Variants in SDR42E1 observed in about 807,000 individuals in gnomAD.
SDR42E1 encodes short-chain dehydrogenase/reductase family 42E member 1.
Under a neutral mutation model 2.6 loss-of-function variants are expected in SDR42E1, and 5 were observed. That is an observed-to-expected ratio of 1.94 (90% CI 1.01 to 4.08). The LOEUF (loss-of-function observed/expected upper bound fraction) is 4.08. SDR42E1 is among the 30% of genes most tolerant of loss of function. The pLI is 0.00. For synonymous variants in SDR42E1, 231 were observed against 188.3 expected (o/e 1.23, Z -1.86); for missense variants, 596 against 478.6 (o/e 1.25, Z -2.29).
rs1045212542 is a variant in SDR42E1 at position 81,999,770 on chromosome 16, C to T, written c.523G>A (p.Asp175Asn). ...AGAGCGCAGGTTCTTAAGACACCGTCGCCTCTGTCCAGGGGTGTAGCATTC... is the reference window on the plus strand; with the variant it reads ...AGAGCGCAGGTTCTTAAGACACCGTTGCCTCTGTCCAGGGGTGTAGCATTC... ...EANATPLDRG[D>N]GVLRTCALRP... The change falls in exon 3 of 3, where the codon GAC becomes AAC. Residue 175 changes from aspartate to asparagine, a missense_variant. Physicochemically the swap from Asp to Asn is conservative, Grantham distance 23 (BLOSUM62 1). Coordinates refer to ENST00000328945, the MANE Select transcript of SDR42E1 (RefSeq NM_145168.3). The T allele has an allele frequency of 4.3e-6, 7 of 1,614,200 alleles. No homozygotes were observed. The highest frequency in any genetic ancestry group is 2.7e-5 in the African/African-American group (2 of 75,052).
Position 81,994,978 on chromosome 16 carries a change from C to G in SDR42E1, c.*4133G>C, listed in dbSNP as rs1424000458. The G allele has an allele frequency of 6.6e-6, 1 of 152,208 alleles. No homozygotes were observed. Among genetic ancestry groups the G allele is most frequent in the Non-Finnish European group, 1.5e-5 (1 of 68,056 alleles). 9.4% of individuals were successfully genotyped at this position (152,208 alleles called of 1,614,324 possible). A position where few individuals can be genotyped will look rare whatever the true frequency, so the allele number is the denominator to read the frequency against. ...AATGAGTTATTTGACCCTCCACTAACTGTTACTGCTTGTAATGTGGCACTG... is the reference window on the plus strand; with the variant it reads ...AATGAGTTATTTGACCCTCCACTAAGTGTTACTGCTTGTAATGTGGCACTG... On this transcript the variant is annotated 3_prime_UTR_variant, in exon 3 of 3. Transcript: ENST00000328945.
chr16:81,999,599 G>C lies in SDR42E1; in HGVS notation c.694C>G (p.His232Asp), dbSNP rs1912668476. 6.2e-7 allele frequency: 1 copy of C among 1,614,134 alleles called. No individual in the cohort carries two copies. The highest frequency in any genetic ancestry group is 1.3e-5 in the African/African-American group (1 of 75,024). ...FVHVDNLVQA[H>D]ILASEALRAD... ...CTCAGGGCTTCTGAGGCCAGAATGT[G>C]AGCCTGCACCAAGTTATCCACGTGG... Residue 232 changes from histidine (H) to aspartate (D), a missense_variant, in exon 3 of 3, where the codon CAC becomes GAC. By Grantham distance (81) the His-to-Asp change is moderately conservative. Coordinates refer to ENST00000328945, the MANE Select transcript of SDR42E1 (RefSeq NM_145168.3).
In SDR42E1 at chr16:81,999,024, A is replaced by T. The variant is rs1912629302; in HGVS notation, c.*87T>A. 2 of 1,393,302 alleles carry T rather than the reference A, an allele frequency of 1.4e-6. No homozygotes were observed. The highest frequency in any genetic ancestry group is 4.6e-5 in the East Asian group (2 of 43,292). The allele number at this position is 1,393,302 out of a possible 1,614,324, so 86.3% of individuals were successfully genotyped here. A position where few individuals can be genotyped will look rare whatever the true frequency, so the allele number is the denominator to read the frequency against. On this transcript the variant is annotated 3_prime_UTR_variant, in exon 3 of 3. Coordinates refer to ENST00000328945, the MANE Select transcript of SDR42E1 (RefSeq NM_145168.3). ...GCAATTTGAAGAGCCAATGTTTGGC[A>T]CCAGATATCACTGTACACATTTTAA...
At position 81,997,557 on chromosome 16, in the gene SDR42E1, T is replaced by C. The variant is rs1269423422; in HGVS notation, c.*1554A>G. The C allele has an allele frequency of 1.3e-5, 2 of 152,230 alleles. No homozygotes were observed. The highest frequency in any genetic ancestry group is 2.9e-5 in the Non-Finnish European group (2 of 68,046). The allele number at this position is 152,230 out of a possible 1,614,324, so 9.4% of individuals were successfully genotyped here. The stretch of plus-strand genomic sequence containing the variant: ...TAGAACAATACATGGCAGGTGCTCA[T>C]ATGCGTTAACCCCAGGCTAATGCAA... On this transcript the variant is annotated 3_prime_UTR_variant, in exon 3 of 3. Transcript: ENST00000328945.
intron 1 of SDR42E1, among the ~76,000 whole-genome samples, chr16:82,002,268 A>G (rs1386728466): frequency 1.3e-5 from 2 of 152,104 alleles, no homozygotes; most frequent in Non-Finnish European, 2.9e-5. Context: ...AATATGGGGG[A>G]CAGGAATACA....
In SDR42E1 at chr16:82,000,138, T is replaced by C. The variant is rs778548286; in HGVS notation, c.155A>G (p.Lys52Arg). The C allele has an allele frequency of 5.0e-6, 8 of 1,614,200 alleles. No individual in the cohort carries two copies. The highest frequency in any genetic ancestry group is 6.8e-6 in the Non-Finnish European group (8 of 1,180,032). Reference protein sequence around the residue: ...SPAQTIPEGIKFIQGDIRHLS... With the variant: ...SPAQTIPEGIRFIQGDIRHLS... ...GTGGCGGATGTCTCCTTGTATAAACTTGATTCCTTCTGGAATGGTTTGAGC... is the reference window on the plus strand; with the variant it reads ...GTGGCGGATGTCTCCTTGTATAAACCTGATTCCTTCTGGAATGGTTTGAGC... The change falls in exon 3 of 3, where the codon AAG (lysine) becomes AGG (arginine). Residue 52 changes from lysine to arginine, a missense_variant. Lys to Arg is a conservative substitution (Grantham distance 26, BLOSUM62 2). Transcript: ENST00000328945.
At chr16:82,011,229 A>C (rs527483405) in intron 1 of SDR42E1, among the ~76,000 whole-genome samples, 158 bp downstream of exon 1, 63 of 152,308 alleles carry the variant, frequency 4.1e-4, no homozygotes, top group African/African-American at 1.5e-3. Flanking sequence ...GGGATCAGGA[A>C]GACATCTGAA....
At chr16:82,010,333 G>A (rs1030151158) in intron 1 of SDR42E1, among the ~76,000 whole-genome samples, 1 of 152,216 alleles carries the variant, frequency 6.6e-6, no homozygotes, top group Non-Finnish European at 1.5e-5. Context: ...GGGTTGGGCA[G>A]GGTTCAGGAC....
At chr16:82,000,305 C>G in intron 2 of SDR42E1, 81 bp from the exon 3 acceptor site, 1 of 1,546,918 alleles carries the variant, frequency 6.5e-7, no homozygotes, top group Non-Finnish European at 8.8e-7. Flanking sequence ...ATTTACCAAT[C>G]AAGGTGGGGC....
Position 81,999,698 on chromosome 16 carries a change from T to G in SDR42E1, c.595A>C (p.Arg199=). 6.2e-7 allele frequency: 1 copy of G among 1,614,216 alleles called. No homozygotes were observed. The highest frequency in any genetic ancestry group is 8.5e-7 in the Non-Finnish European group (1 of 1,180,036). Reference sequence around the variant, plus strand: ...CCCTTCTCGATGTAGCTGACTATCCTGGGAAGGTGTCTTTGTTCTCCAGGC... The same window carrying G: ...CCCTTCTCGATGTAGCTGACTATCCGGGGAAGGTGTCTTTGTTCTCCAGGC... ...YGPGEQRHLP[R]IVSYIEKGLF... The change falls in exon 3 of 3, where the codon AGG becomes CGG. Residue 199 remains arginine, a synonymous_variant. Transcript: ENST00000328945.
At chr16:82,010,783 G>T (rs1283460734) in intron 1 of SDR42E1, among the ~76,000 whole-genome samples, 2 of 152,176 alleles carry the variant, frequency 1.3e-5, no homozygotes, top group Non-Finnish European at 2.9e-5. Context: ...TACATCGTCA[G>T]GACCGCCTGA....
At chr16:82,011,035 A>G (rs1913108295) in intron 1 of SDR42E1, among the ~76,000 whole-genome samples, 1 of 152,242 alleles carries the variant, frequency 6.6e-6, no homozygotes, top group Admixed American at 6.5e-5. Context: ...GAACCAAGTG[A>G]TAAAGAGGAG....
chr16:81,999,960 T>C lies in SDR42E1; in HGVS notation c.333A>G (p.Gln111=). 2.5e-6 allele frequency: 4 copies of C among 1,614,206 alleles called. No individual in the cohort carries two copies. The highest frequency in any genetic ancestry group is 2.2e-5 in the East Asian group (1 of 44,882). ...RGTDNILQVC[Q]RRRVPRLVYT... ...AAACTAACCTGGGCACCCTTCTCCT[T>C]TGGCAAACCTGGAGGATGTTGTCTG... The change falls in exon 3 of 3, where the codon CAA becomes CAG. Residue 111 remains glutamine (Q), a synonymous_variant. Coordinates refer to ENST00000328945, the MANE Select transcript of SDR42E1 (RefSeq NM_145168.3).
rs1353390187 is a variant in SDR42E1 at position 81,989,134 on chromosome 16, A to C, written c.*9977T>G. On this transcript the variant is annotated 3_prime_UTR_variant, in exon 3 of 3. Transcript: ENST00000328945. ...CTATTAAAAATTAAGGTGGGACTACAGGCATGAAACCAGAACTGTCTTAGG... is the reference window on the plus strand; with the variant it reads ...CTATTAAAAATTAAGGTGGGACTACCGGCATGAAACCAGAACTGTCTTAGG... The C allele has an allele frequency of 1.3e-5, 2 of 152,254 alleles. No homozygotes were observed. Among genetic ancestry groups the C allele is most frequent in the African/African-American group, 4.8e-5 (2 of 41,462 alleles). 9.4% of individuals were successfully genotyped at this position (152,254 alleles called of 1,614,324 possible).
intron 1 of SDR42E1, among the ~76,000 whole-genome samples, chr16:82,002,905 A>T (rs1374780997): frequency 6.6e-6 from 1 of 152,132 alleles, no homozygotes; most frequent in African/African-American, 2.4e-5. Context: ...CTTTTTTCAC[A>T]CTCCAGAGTT....
At chr16:82,000,245 C>T (rs371009788) in intron 2 of SDR42E1, 21 bp from the exon 3 acceptor site, 72 of 1,600,826 alleles carry the variant, frequency 4.5e-5, no homozygotes, top group Non-Finnish European at 5.4e-5. Context: ...AAACAGTAAA[C>T]GTTGAATCAA....
At position 82,000,895 on chromosome 16, in the gene SDR42E1, A is replaced by T. The variant is rs747140253; in HGVS notation, c.-26-11T>A. 2 of 1,556,168 alleles carry T rather than the reference A, an allele frequency of 1.3e-6. No homozygotes were observed. The highest frequency in any genetic ancestry group is 1.1e-5 in the South Asian group (1 of 88,740). On this transcript the variant is annotated splice_polypyrimidine_tract_variant and intron_variant, in intron 1 of 2. Coordinates refer to ENST00000328945, the MANE Select transcript of SDR42E1 (RefSeq NM_145168.3). Reference sequence around the variant, plus strand: ...AAAAGATAACTGGACCTGAAGAAAGAAGTATGCATCACTGTTACTGATCCA... The same window carrying T: ...AAAAGATAACTGGACCTGAAGAAAGTAGTATGCATCACTGTTACTGATCCA...
Position 81,993,025 on chromosome 16 carries a change from A to C in SDR42E1, c.*6086T>G, listed in dbSNP as rs991397573. 2 of 152,206 alleles carry C rather than the reference A, an allele frequency of 1.3e-5. No homozygotes were observed. Among genetic ancestry groups the C allele is most frequent in the African/African-American group, 4.8e-5 (2 of 41,458 alleles). 9.4% of individuals were successfully genotyped at this position (152,206 alleles called of 1,614,324 possible). A position where few individuals can be genotyped will look rare whatever the true frequency, so the allele number is the denominator to read the frequency against. On this transcript the variant is annotated 3_prime_UTR_variant, in exon 3 of 3. Coordinates refer to ENST00000328945, the MANE Select transcript of SDR42E1 (RefSeq NM_145168.3). ...TGTTGCCAAAGAATCCCTTTGGCTC[A>C]AGAAAAAGAGGCTCTAGGTTGGCTG...
At chr16:82,001,120 T>G (rs1045933740) in intron 1 of SDR42E1, among the ~76,000 whole-genome samples, 1 of 152,186 alleles carries the variant, frequency 6.6e-6, no homozygotes, top group African/African-American at 2.4e-5. Context: ...AAGGTTAATG[T>G]GGAGGTTAAA....
Sources: gnomAD v4.1 joint callset for allele counts (sites outside exome capture counted in the v4.1 genomes callset) on GRCh38, gnomAD v4.1.1 for gene constraint, MANE v1.5 for transcripts, NCBI Gene and HGNC (gene_info 2026-07-23, HGNC 2026-07-21) for gene names.